Variants in STXBP5L observed in about 807,000 individuals in gnomAD.
STXBP5L encodes syntaxin binding protein 5L, also known as syntaxin-binding protein 5-like.
A neutral mutation model predicts 144.5 loss-of-function variants in STXBP5L; 65 were observed. The observed-to-expected ratio is 0.45, with a 90% confidence interval of 0.37 to 0.55. The LOEUF (loss-of-function observed/expected upper bound fraction) is 0.55, where lower values mean the gene tolerates loss of function less well. Among genes scored for constraint, STXBP5L ranks in the 20% least tolerant of loss-of-function variants. STXBP5L has a pLI of 0.00. For missense variants in STXBP5L, 1,298 were observed against 1,405.5 expected (o/e 0.92, Z 1.22); for synonymous variants, 505 against 469.6 (o/e 1.08, Z -0.97).
At chr3:121,278,734 G>A (rs558205035) in intron 18 of STXBP5L, among the ~76,000 whole-genome samples, 2 of 151,910 alleles carry the variant, frequency 1.3e-5, no homozygotes, top group East Asian at 1.9e-4. Flanking sequence ...AGAAGCTAAG[G>A]CCAAGCAAGA....
chr3:121,394,972 T>A lies in STXBP5L; in HGVS notation c.2588-12271T>A, dbSNP rs879526275. Among the ~76,000 whole-genome samples, 6 of 152,194 alleles carry A rather than the reference T, an allele frequency of 3.9e-5. No homozygotes were observed. The East Asian group carries it at 1.2e-3, about 29-fold the overall frequency. ...CAGGTATTATTATCAAAAATAAAAC[T>A]TCATTTACCCTTTTGTCATTTTTTA... On this transcript the variant is annotated intron_variant, in intron 22 of 26. Transcript: ENST00000471454.
chr3:121,061,780 G>A lies in STXBP5L; in HGVS notation c.470+16245G>A, dbSNP rs565802513. Among the ~76,000 whole-genome samples the A allele has an allele frequency of 3.2e-3, 484 of 151,934 alleles. 7 individuals are homozygous for A. The highest frequency in any genetic ancestry group is 3.0e-3 in the Non-Finnish European group (203 of 67,978). ...TTTAAAGTCTGTTTTATCAGAGACA[G>A]GGATTGCAACCCCTGCTTTATTTTG... On this transcript the variant is annotated intron_variant, in intron 5 of 26. Coordinates refer to ENST00000471454, the MANE Select transcript of STXBP5L (RefSeq NM_001308330.2).
chr3:120,975,363 A>C (rs1220576167), intron 3 of STXBP5L, among the ~76,000 whole-genome samples: 2 of 152,102 alleles, frequency 1.3e-5, no homozygotes, highest in Non-Finnish European at 2.9e-5. Flanking sequence ...TTGGTGTATA[A>C]GAATGCTTGT....
intron 19 of STXBP5L, among the ~76,000 whole-genome samples, chr3:121,315,229 C>A (rs1316464795): frequency 6.6e-6 from 1 of 152,100 alleles, no homozygotes; most frequent in Admixed American, 6.5e-5. Context: ...AGACTTGGAA[C>A]CAACCCAAAT....
chr3:121,318,519 C>T lies in STXBP5L; in HGVS notation c.2155C>T (p.Arg719Cys), dbSNP rs201754057. The T allele has an allele frequency of 1.6e-5, 25 of 1,559,376 alleles. No homozygotes were observed. The highest frequency in any genetic ancestry group is 2.4e-5 in the East Asian group (1 of 41,858). Residue 719 changes from arginine (R) to cysteine (C), a missense_variant, in exon 20 of 27, where the codon CGC (arginine) becomes TGC (cysteine). Coordinates refer to ENST00000471454, the MANE Select transcript of STXBP5L (RefSeq NM_001308330.2). Reference protein sequence around the residue: ...NDSPVPLELERCKSPTSDHVN... With the variant: ...NDSPVPLELECCKSPTSDHVN... ...CAGTCCAGTTCCCCTAGAACTTGAGCGCTGCAAGTCTCCTACCTCAGGTAA... is the reference window on the plus strand; with the variant it reads ...CAGTCCAGTTCCCCTAGAACTTGAGTGCTGCAAGTCTCCTACCTCAGGTAA...
At chr3:121,370,189 AACCC>A (rs1224344116) in intron 20 of STXBP5L, among the ~76,000 whole-genome samples, 3 of 152,126 alleles carry the variant, frequency 2.0e-5, no homozygotes, top group African/African-American at 7.2e-5. Context: ...AACATGGTGA[AACCC>A]GTCTCTACTA....
chr3:121,347,207 G>A (rs2045030146), intron 20 of STXBP5L, among the ~76,000 whole-genome samples: 1 of 152,084 alleles, frequency 6.6e-6, no homozygotes, highest in Non-Finnish European at 1.5e-5. Context: ...TATTAAATAG[G>A]GAATCGTTTC....
intron 10 of STXBP5L, among the ~76,000 whole-genome samples, chr3:121,218,612 C>T (rs187179265): frequency 2.0e-5 from 3 of 151,668 alleles, no homozygotes; most frequent in South Asian, 2.1e-4. Context: ...GGGAGGAGAA[C>T]CATGAAGAGA....
intron 5 of STXBP5L, among the ~76,000 whole-genome samples, chr3:121,051,863 A>G (rs547604904): frequency 5.3e-5 from 8 of 152,308 alleles, no homozygotes; most frequent in African/African-American, 1.9e-4. Context: ...AGAAGAAAAG[A>G]GAGAAGAATC....
intron 20 of STXBP5L, among the ~76,000 whole-genome samples, chr3:121,337,140 T>C (rs1241473108): frequency 6.6e-6 from 1 of 151,934 alleles, no homozygotes; most frequent in African/African-American, 2.4e-5. Context: ...GAAATAACTA[T>C]TTAGTACCAG....
intron 3 of STXBP5L, 63 bp downstream of exon 3, chr3:120,955,100 C>A: frequency 8.6e-7 from 1 of 1,167,404 alleles, no homozygotes; most frequent in Non-Finnish European, 1.3e-6. Context: ...TTTAAATATT[C>A]AGGTAAGATA....
At chr3:121,136,675 T>A (rs539603409) in intron 7 of STXBP5L, among the ~76,000 whole-genome samples, 55 of 152,230 alleles carry the variant, frequency 3.6e-4, no homozygotes, top group African/African-American at 1.3e-3. Context: ...CTAGAGGTTT[T>A]CCAAAGAACT....
intron 21 of STXBP5L, among the ~76,000 whole-genome samples, chr3:121,380,785 T>C (rs1029426412): frequency 3.3e-5 from 5 of 152,128 alleles, no homozygotes; most frequent in African/African-American, 1.2e-4. Context: ...ATTTTTAGAA[T>C]TGTAATTACC....
intron 14 of STXBP5L, among the ~76,000 whole-genome samples, chr3:121,243,542 CAA>C (rs112243588): frequency 4.6e-5 from 6 of 131,850 alleles, no homozygotes; most frequent in Non-Finnish European, 3.3e-5. Flanking sequence ...ATCAAAGAGA[CAA>C]AAAAAAAAAA....
intron 20 of STXBP5L, among the ~76,000 whole-genome samples, chr3:121,377,625 C>A (rs1275078037): frequency 2.0e-5 from 3 of 152,146 alleles, no homozygotes; most frequent in African/African-American, 7.2e-5. Flanking sequence ...CAATGAGATA[C>A]CATCTCAGGC....
rs143526881 is a variant in STXBP5L at position 121,418,063 on chromosome 3, C to A, written c.3227-274C>A. On this transcript the variant is annotated intron_variant, in intron 25 of 26. Transcript: ENST00000471454. Reference sequence around the variant, plus strand: ...ATATGAAGTCACATATTTGAATATTCCAATTCAGCATCAAGAAATGCAATT... The same window carrying A: ...ATATGAAGTCACATATTTGAATATTACAATTCAGCATCAAGAAATGCAATT... Among the ~76,000 whole-genome samples the A allele has an allele frequency of 1.4e-3, 217 of 152,252 alleles. 1 individual carries two copies. Among genetic ancestry groups the A allele is most frequent in the African/African-American group, 5.0e-3 (209 of 41,540 alleles).
intron 19 of STXBP5L, among the ~76,000 whole-genome samples, chr3:121,313,226 C>A (rs1229219793): frequency 1.4e-5 from 2 of 138,486 alleles, no homozygotes; most frequent in East Asian, 4.5e-4. Context: ...CTGACCCCCC[C>A]CACCTCCCTC....
chr3:121,116,766 C>T (rs12487633), intron 6 of STXBP5L, among the ~76,000 whole-genome samples: 35,299 of 151,744 alleles, frequency 0.23, 4,230 homozygotes, highest in Non-Finnish European at 0.26. Context: ...GGGTCCTTTT[C>T]CCCTGTAATC....
chr3:121,098,711 T>A (rs1206802057), intron 5 of STXBP5L, among the ~76,000 whole-genome samples: 1 of 152,134 alleles, frequency 6.6e-6, no homozygotes, highest in Non-Finnish European at 1.5e-5. Flanking sequence ...CCTGGCCTGC[T>A]CCACTTGCAT....
Sources: gnomAD v4.1 joint callset for allele counts (sites outside exome capture counted in the v4.1 genomes callset) on GRCh38, gnomAD v4.1.1 for gene constraint, MANE v1.5 for transcripts, NCBI Gene and HGNC (gene_info 2026-07-23, HGNC 2026-07-21) for gene names.